The following CCDC171 variants were observed in gnomAD, a reference collection of about 807,000 sequenced individuals.
CCDC171 encodes the protein coiled-coil domain containing 171.
In CCDC171, 177 loss-of-function variants were observed where a neutral mutation model predicts 168.2. The ratio of observed to expected loss-of-function variants is 1.05; its 90% CI spans 0.93 to 1.19. CCDC171 has a LOEUF of 1.19. CCDC171 is among the 50% of genes most tolerant of loss of function. The pLI, the probability that CCDC171 is intolerant of heterozygous loss-of-function variation, is 0.00. For missense variants in CCDC171, 1,991 were observed against 1,539.0 expected (o/e 1.29, Z -4.91); for synonymous variants, 687 against 540.8 (o/e 1.27, Z -3.75).
intron 6 of CCDC171, among the ~76,000 whole-genome samples, chr9:16,028,255 G>A (rs1833310650): frequency 6.6e-6 from 1 of 152,222 alleles, no homozygotes; most frequent in Non-Finnish European, 1.5e-5. Flanking sequence ...TTCTTCCGTG[G>A]TGGATGGGTG....
At position 15,647,936 on chromosome 9, in the gene CCDC171, C is replaced by T. The variant is rs946952393; in HGVS notation, c.823-9191C>T. Reference sequence around the variant, plus strand: ...TCCTGATACCAAAGCCTGGCAGAGACACAACAAAAAAAGAGAATTTTAGAC... The same window carrying T: ...TCCTGATACCAAAGCCTGGCAGAGATACAACAAAAAAAGAGAATTTTAGAC... On this transcript the variant is annotated intron_variant, in intron 7 of 25. Coordinates refer to ENST00000380701, the MANE Select transcript of CCDC171 (RefSeq NM_173550.4). 2.6e-4 allele frequency among the ~76,000 whole-genome samples: 39 copies of T among 152,068 alleles called. 2 individuals carry two copies.
At chr9:15,674,105 C>A (rs1056119688) in intron 9 of CCDC171, among the ~76,000 whole-genome samples, 1 of 152,088 alleles carries the variant, frequency 6.6e-6, no homozygotes, top group African/African-American at 2.4e-5. Context: ...GGAATTTATC[C>A]ATTTCTTCTA....
chr9:15,706,976 G>T (rs1298096084), intron 11 of CCDC171, among the ~76,000 whole-genome samples: 2 of 152,114 alleles, frequency 1.3e-5, no homozygotes, highest in African/African-American at 4.8e-5. Flanking sequence ...CCCCTTTCCT[G>T]CTTTACTTCT....
chr9:15,610,475 A>AC (rs1421266488), intron 6 of CCDC171, among the ~76,000 whole-genome samples: 2 of 142,726 alleles, frequency 1.4e-5, no homozygotes, highest in South Asian at 2.3e-4. Flanking sequence ...AAAAAAAAAA[A>AC]AAAAAACTGG....
At chr9:15,861,197 A>G (rs373640509) in intron 23 of CCDC171, among the ~76,000 whole-genome samples, 1 of 138,484 alleles carries the variant, frequency 7.2e-6, no homozygotes, top group East Asian at 2.2e-4. Context: ...AGTTTCTCAT[A>G]GACAGCGTAT....
Position 15,971,808 on chromosome 9 carries a change from C to T in CCDC171, c.3953C>T (p.Ala1318Val). ...HSSPVTMSAN[A>V]NRPTQIGL Reference sequence around the variant, plus strand: ...TCTCCAGTGACTATGTCTGCTAATGCCAACAGACCAACTCAGATTGGATTA... The same window carrying T: ...TCTCCAGTGACTATGTCTGCTAATGTCAACAGACCAACTCAGATTGGATTA... The change falls in exon 26 of 26, where the codon GCC (alanine) becomes GTC (valine). Residue 1318 changes from alanine (A) to valine (V), a missense_variant. Transcript: ENST00000380701. 1 of 1,613,118 alleles carries T rather than the reference C, an allele frequency of 6.2e-7. No homozygotes were observed. Among genetic ancestry groups the T allele is most frequent in the Non-Finnish European group, 8.5e-7 (1 of 1,179,184 alleles).
intron 23 of CCDC171, among the ~76,000 whole-genome samples, chr9:15,859,691 C>G (rs2061482923): frequency 6.9e-6 from 1 of 145,752 alleles, no homozygotes; most frequent in South Asian, 2.2e-4. Flanking sequence ...GTGTCTTGCT[C>G]TGTTGCCTAG....
chr9:15,830,157 G>C (rs2060171848), intron 21 of CCDC171, among the ~76,000 whole-genome samples: 1 of 152,104 alleles, frequency 6.6e-6, no homozygotes, highest in South Asian at 2.1e-4. Context: ...ATTTTCCTAA[G>C]TTACTAAGGC....
intron 11 of CCDC171, among the ~76,000 whole-genome samples, chr9:15,712,431 G>C (rs2052738493): frequency 6.6e-6 from 1 of 152,156 alleles, no homozygotes; most frequent in African/African-American, 2.4e-5. Context: ...TTTGTGATGA[G>C]AAACATAGTA....
At position 15,803,389 on chromosome 9, in the gene CCDC171, T is replaced by C. The variant is rs1047258138; in HGVS notation, c.3267+18695T>C. ...TTTTTTCTAGGGTTTTTTTTTGTAG[T>C]TTTGTGTTTTATATTGAAGTCTTTA... On this transcript the variant is annotated intron_variant, in intron 21 of 25. Coordinates refer to ENST00000380701, the MANE Select transcript of CCDC171 (RefSeq NM_173550.4). Among the ~76,000 whole-genome samples, 114 of 151,928 alleles carry C rather than the reference T, an allele frequency of 7.5e-4. 1 individual carries two copies. Among genetic ancestry groups the C allele is most frequent in the African/African-American group, 2.5e-3 (105 of 41,474 alleles).
chr9:16,010,698 C>T (rs188061376), intron 3 of CCDC171, among the ~76,000 whole-genome samples: 1 of 151,462 alleles, frequency 6.6e-6, no homozygotes, highest in African/African-American at 2.4e-5. Context: ...CTAGGTTCAA[C>T]TGCAAGATAA....
intron 16 of CCDC171, among the ~76,000 whole-genome samples, chr9:15,736,817 A>G (rs2054529179): frequency 1.3e-5 from 2 of 151,934 alleles, no homozygotes; most frequent in Non-Finnish European, 2.9e-5. Flanking sequence ...CTGAGACTAT[A>G]GGCATGCACC....
At chr9:15,861,169 A>T (rs1233229477) in intron 23 of CCDC171, among the ~76,000 whole-genome samples, 2 of 150,966 alleles carry the variant, frequency 1.3e-5, no homozygotes, top group African/African-American at 4.9e-5. Context: ...GTCTATGCAC[A>T]TCCTTAAATC....
chr9:16,089,909 G>T, the CCDC171 span, among the ~76,000 whole-genome samples: 4 of 152,144 alleles, frequency 2.6e-5, no homozygotes, highest in East Asian at 3.8e-4. Context: ...ATCATTAAAA[G>T]TCAGGAAACA....
At chr9:15,562,374 G>T (rs189008739) in intron 1 of CCDC171, among the ~76,000 whole-genome samples, 2 of 152,214 alleles carry the variant, frequency 1.3e-5, no homozygotes, top group Admixed American at 1.3e-4. Flanking sequence ...GTAATCATAA[G>T]AGTGGCATCC....
the CCDC171 span, among the ~76,000 whole-genome samples, chr9:16,103,781 C>G: frequency 6.6e-6 from 1 of 152,152 alleles, no homozygotes; most frequent in Admixed American, 6.5e-5. Flanking sequence ...ACCTGACAAG[C>G]GGCGAGGGGG....
intron 21 of CCDC171, among the ~76,000 whole-genome samples, chr9:15,806,794 A>T (rs187707930): frequency 2.6e-5 from 4 of 152,190 alleles, no homozygotes; most frequent in African/African-American, 9.6e-5. Flanking sequence ...GGACATTTTC[A>T]TTGACAATAT....
chr9:15,766,825 T>A (rs1249770195), intron 18 of CCDC171, among the ~76,000 whole-genome samples: 1 of 152,038 alleles, frequency 6.6e-6, no homozygotes, highest in Admixed American at 6.5e-5. Flanking sequence ...TCAGCTGATT[T>A]CTAAGGTTTG....
chr9:15,781,550 T>TA (rs1159553639), intron 20 of CCDC171, among the ~76,000 whole-genome samples: 4 of 152,208 alleles, frequency 2.6e-5, no homozygotes, highest in African/African-American at 9.6e-5. Context: ...TAGTTGGTGT[T>TA]ACAGGCGCCC....
Sources: gnomAD v4.1 joint callset for allele counts (sites outside exome capture counted in the v4.1 genomes callset) on GRCh38, gnomAD v4.1.1 for gene constraint, MANE v1.5 for transcripts, NCBI Gene and HGNC (gene_info 2026-07-23, HGNC 2026-07-21) for gene names.